Variants in RAP1GAP2 observed in about 807,000 individuals in gnomAD.
RAP1GAP2 encodes the protein rap1 GTPase-activating protein 2.
Under a neutral mutation model 95.0 loss-of-function variants are expected in RAP1GAP2, and 27 were observed. The observed-to-expected ratio is 0.28, with a 90% CI of 0.21 to 0.39. RAP1GAP2 has a LOEUF of 0.39. Ranked by LOEUF, RAP1GAP2 falls within the 10% of genes least tolerant of loss-of-function variation. The probability of loss-of-function intolerance (pLI) is 1.00; values close to 1 mark genes in which losing one functional copy is unlikely to be tolerated. For synonymous variants in RAP1GAP2, 373 were observed against 380.9 expected, an observed-to-expected ratio of 0.98 and a Z score of 0.24; for missense variants, 771 against 970.0, an observed-to-expected ratio of 0.79 and a Z score of 2.72.
upstream of RAP1GAP2, among the ~76,000 whole-genome samples, chr17:2,775,536 CAGCA>C (rs72390992): frequency 0.031 from 4,786 of 152,092 alleles, 268 homozygotes; most frequent in African/African-American, 0.11. Flanking sequence ...GCAGGGGGAG[CAGCA>C]AGTGCAAGGC....
chr17:2,847,543 A>C (rs1458098690), intron 2 of RAP1GAP2, among the ~76,000 whole-genome samples: 2 of 151,962 alleles, frequency 1.3e-5, no homozygotes, highest in African/African-American at 4.8e-5. Flanking sequence ...ATAAGAAACC[A>C]CTCTGTTCTC....
chr17:2,954,989 C>G (rs2044058847), intron 3 of RAP1GAP2, among the ~76,000 whole-genome samples: 2 of 152,152 alleles, frequency 1.3e-5, no homozygotes, highest in African/African-American at 4.8e-5. Context: ...GAATATTATT[C>G]CATCGTATGG....
chr17:2,921,741 C>CCGTTAAGGTGT (rs954177373), intron 3 of RAP1GAP2, among the ~76,000 whole-genome samples: 3 of 151,840 alleles, frequency 2.0e-5, no homozygotes, highest in Non-Finnish European at 4.4e-5. Context: ...GTCAGCAGGA[C>CCGTTAAGGTGT]CGTTAAGGTG....
chr17:2,985,136 C>A, intron 11 of RAP1GAP2, 70 bp downstream of exon 11: 2 of 1,603,234 alleles, frequency 1.2e-6, no homozygotes, highest in Non-Finnish European at 1.7e-6. Flanking sequence ...TTATCCCCAC[C>A]CAGAACACAG....
At chr17:2,774,206 G>A (rs2068449625), upstream of RAP1GAP2, among the ~76,000 whole-genome samples, 1 of 152,204 alleles carries the variant, frequency 6.6e-6, no homozygotes, top group Non-Finnish European at 1.5e-5. Context: ...TGTGTTAGGT[G>A]TCTACCAAAG....
chr17:2,784,520 C>T (rs1055731061), intron 1 of RAP1GAP2, among the ~76,000 whole-genome samples: 4 of 152,180 alleles, frequency 2.6e-5, no homozygotes, highest in African/African-American at 9.7e-5. Flanking sequence ...ATCCGCCCGA[C>T]TCGGCATCCC....
At chr17:2,834,536 C>T (rs2071045882) in intron 2 of RAP1GAP2, among the ~76,000 whole-genome samples, 1 of 152,188 alleles carries the variant, frequency 6.6e-6, no homozygotes, top group Non-Finnish European at 1.5e-5. Flanking sequence ...GTATCTCACA[C>T]CTGTAATCCC....
chr17:2,938,111 A>G (rs994702894), intron 3 of RAP1GAP2, among the ~76,000 whole-genome samples: 2 of 152,162 alleles, frequency 1.3e-5, no homozygotes, highest in Admixed American at 6.5e-5. Flanking sequence ...TTGACAGAGG[A>G]CATTTCGTGT....
chr17:2,831,490 C>T lies in RAP1GAP2; in HGVS notation c.80+30940C>T, dbSNP rs118058766. Among the ~76,000 whole-genome samples, 105 of 151,976 alleles carry T rather than the reference C, an allele frequency of 6.9e-4. 3 individuals carry two copies. In the East Asian group the frequency reaches 0.02, roughly 29 times the overall value. ...CACTGAGAGCTGCTGCTGCCTCTGC[C>T]CCATTCCTTTTAAAAATAACTGTGT... On this transcript the variant is annotated intron_variant, in intron 2 of 24. Transcript: ENST00000254695.
At chr17:2,876,417 A>G (rs9900355) in intron 2 of RAP1GAP2, among the ~76,000 whole-genome samples, 2,159 of 152,240 alleles carry the variant, frequency 0.014, 52 homozygotes, top group African/African-American at 0.048. Flanking sequence ...CCATCCATGT[A>G]AGATGTCCAT....
At chr17:2,834,277 C>T (rs2071035485) in intron 2 of RAP1GAP2, among the ~76,000 whole-genome samples, 3 of 152,206 alleles carry the variant, frequency 2.0e-5, no homozygotes. Flanking sequence ...TGGGGGAAGC[C>T]ACAGCTTAAA....
At chr17:3,013,810 A>C (rs941549319) in intron 17 of RAP1GAP2, among the ~76,000 whole-genome samples, 1 of 151,556 alleles carries the variant, frequency 6.6e-6, no homozygotes, top group African/African-American at 2.4e-5. Context: ...CTTACCTGCT[A>C]TGTGGGCTTG....
At position 2,844,840 on chromosome 17, in the gene RAP1GAP2, T is replaced by C. The variant is rs936805385; in HGVS notation, c.80+44290T>C. On this transcript the variant is annotated intron_variant, in intron 2 of 24. Coordinates refer to ENST00000254695, the MANE Select transcript of RAP1GAP2 (RefSeq NM_015085.5). Reference sequence around the variant, plus strand: ...ACCCAGAGTTCTCTTCAGGGACTGATAGAGGAGAAAGAGATGAATTCAGAC... The same window carrying C: ...ACCCAGAGTTCTCTTCAGGGACTGACAGAGGAGAAAGAGATGAATTCAGAC... Among the ~76,000 whole-genome samples the C allele has an allele frequency of 3.3e-5, 5 of 152,098 alleles. No individual in the cohort carries two copies. The East Asian group carries it at 7.7e-4, about 23-fold the overall frequency.
In RAP1GAP2 at chr17:2,866,970, G is replaced by C. The variant is rs909502897; in HGVS notation, c.81-38314G>C. 1.3e-5 allele frequency among the ~76,000 whole-genome samples: 2 copies of C among 151,760 alleles called. No individual in the cohort carries two copies. The highest frequency in any genetic ancestry group is 2.1e-4 in the South Asian group (1 of 4,816). ...GGCTGGAGTGCAGTGGTACAATCTC[G>C]GCTCACTGCAACCTCCACCTCTCAG... On this transcript the variant is annotated intron_variant, in intron 2 of 24. Coordinates refer to ENST00000254695, the MANE Select transcript of RAP1GAP2 (RefSeq NM_015085.5). The surrounding 1 kb of genome is among the most constrained non-coding windows in gnomAD (Gnocchi z 4.0).
chr17:3,009,498 T>G (rs886506045), intron 17 of RAP1GAP2, among the ~76,000 whole-genome samples: 3 of 152,148 alleles, frequency 2.0e-5, no homozygotes, highest in African/African-American at 7.2e-5. Flanking sequence ...TGGAGTTGAA[T>G]CCAGGTCCGC....
intron 2 of RAP1GAP2, among the ~76,000 whole-genome samples, chr17:2,821,306 A>G (rs1354287345): frequency 6.6e-6 from 1 of 152,118 alleles, no homozygotes; most frequent in African/African-American, 2.4e-5. Context: ...ATGTACAAAT[A>G]GAGATTAAAA....
chr17:2,802,092 T>C (rs533225343), intron 2 of RAP1GAP2, among the ~76,000 whole-genome samples: 1 of 152,184 alleles, frequency 6.6e-6, no homozygotes, highest in Non-Finnish European at 1.5e-5. Flanking sequence ...AATTCACTGT[T>C]GCATGGAAAA....
rs768213360 is a variant in RAP1GAP2, at chr17:2,903,141, C to T, written c.81-2143C>T. 2.6e-5 allele frequency among the ~76,000 whole-genome samples: 4 copies of T among 152,144 alleles called. No individual in the cohort carries two copies. The highest frequency in any genetic ancestry group is 2.1e-4 in the South Asian group (1 of 4,826). ...GGGCTTGTTTTACTTCCCCTCCCTG[C>T]GTGCTTTTCCTTGCTGGGCTCCTAG... is the stretch of plus-strand genomic sequence containing the variant. On this transcript the variant is annotated intron_variant, in intron 2 of 24. Transcript: ENST00000254695. This position sits in a 1 kb window ranked among gnomAD's most constrained non-coding sequence, Gnocchi z 4.1.
intron 2 of RAP1GAP2, among the ~76,000 whole-genome samples, chr17:2,840,766 A>G (rs2071341792): frequency 6.7e-6 from 1 of 150,262 alleles, no homozygotes; most frequent in African/African-American, 2.4e-5. Context: ...GGGAGGCTGA[A>G]GTGAGTGGAT....
Sources: gnomAD v4.1 joint callset for allele counts (sites outside exome capture counted in the v4.1 genomes callset) on GRCh38, gnomAD v4.1.1 for gene constraint, Gnocchi (gnomAD v3.1) non-coding constraint, MANE v1.5 for transcripts, NCBI Gene and HGNC (gene_info 2026-07-23, HGNC 2026-07-21) for gene names.